MED23: variants seen among roughly 807,000 people sequenced by gnomAD.
MED23 encodes mediator of RNA polymerase II transcription subunit 23.
MED23 carries 105 observed loss-of-function variants against 163.9 expected under a neutral mutation model. That is an observed-to-expected ratio of 0.64 (90% CI 0.55 to 0.75). MED23 has a LOEUF of 0.75. Ranked by LOEUF, MED23 falls within the 30% of genes least tolerant of loss-of-function variation. The pLI is 0.00. For synonymous variants in MED23, 561 were observed against 565.6 expected (o/e 0.99, Z 0.12); for missense variants, 1,054 against 1,649.0 (o/e 0.64, Z 6.25).
intron 8 of MED23, among the ~76,000 whole-genome samples, chr6:131,619,437 CA>C (rs1389940048): frequency 2.6e-5 from 4 of 151,794 alleles, no homozygotes; most frequent in African/African-American, 9.7e-5. Context: ...AAAGGAAAAG[CA>C]AAAGTGGGAA....
At chr6:131,588,113 T>A (rs1197831926) in intron 28 of MED23, among the ~76,000 whole-genome samples, 3 of 152,194 alleles carry the variant, frequency 2.0e-5, no homozygotes, top group Non-Finnish European at 4.4e-5. Flanking sequence ...TTCATATATA[T>A]GCATATACTT....
chr6:131,587,923 A>G (rs1774292171), intron 28 of MED23, 77 bp from the exon 29 acceptor site: 9 of 1,270,020 alleles, frequency 7.1e-6, no homozygotes, highest in African/African-American at 3.0e-5. Flanking sequence ...GGATTTACAC[A>G]TATCCGGAGA....
chr6:131,602,370 G>A lies in MED23; in HGVS notation c.1943C>T (p.Thr648Ile). Residue 648 changes from threonine (T) to isoleucine (I), a missense_variant, in exon 17 of 29, where the codon ACT becomes ATT. This residue lies in a region of MED23 where 228 missense variants were observed against 461.3 expected (regional missense o/e 0.49). Transcript: ENST00000368068. ...TAATGCTGTTATAAGCCTGAGAGCA[G>A]TGCTCTCGACACTGAAAATTGGGAG... ...QNQLHLCVESTALRLITALGS... is the reference protein window; with the variant it reads ...QNQLHLCVESIALRLITALGS... 1 of 1,613,204 alleles carries A rather than the reference G, an allele frequency of 6.2e-7. No individual in the cohort carries two copies. Among genetic ancestry groups the A allele is most frequent in the Non-Finnish European group, 8.5e-7 (1 of 1,179,418 alleles).
At chr6:131,577,171 T>C (rs915849791) in intron 30 of MED23, among the ~76,000 whole-genome samples, 2 of 152,240 alleles carry the variant, frequency 1.3e-5, no homozygotes, top group African/African-American at 4.8e-5. Context: ...TACATACATA[T>C]ACATAAGCAT....
chr6:131,624,194 G>A (rs1271961572), intron 4 of MED23, among the ~76,000 whole-genome samples: 1 of 152,138 alleles, frequency 6.6e-6, no homozygotes, highest in Admixed American at 6.5e-5. Context: ...GAGAGGTAGG[G>A]GGAAAGTCTA....
chr6:131,596,006 G>T lies in MED23; in HGVS notation c.2936C>A (p.Pro979Gln). The change falls in exon 22 of 29, where the codon CCG becomes CAG. Residue 979 changes from proline (P) to glutamine (Q), a missense_variant. Around this residue, in one of 11 missense-constraint regions of MED23, gnomAD observed 228 missense variants for 461.3 expected, o/e 0.49. Coordinates refer to ENST00000368068, the MANE Select transcript of MED23 (RefSeq NM_004830.4). ...IVIHRFLELLPVSKSLETLLD... is the reference protein window; with the variant it reads ...IVIHRFLELLQVSKSLETLLD... ...TAGAGTCTCCAGTGATTTGGATACC[G>T]GAAGCAACTCTAAAAATCTGTGGAT... is the stretch of plus-strand genomic sequence containing the variant. 1 of 1,613,938 alleles carries T rather than the reference G, an allele frequency of 6.2e-7. No homozygotes were observed.
At chr6:131,606,941 A>C (rs1393772143) in intron 12 of MED23, among the ~76,000 whole-genome samples, 1 of 152,108 alleles carries the variant, frequency 6.6e-6, no homozygotes, top group Non-Finnish European at 1.5e-5. Flanking sequence ...TTAAAAAATT[A>C]AAACACATCA....
chr6:131,589,273 G>GT (rs1440836688), intron 28 of MED23, among the ~76,000 whole-genome samples, 192 bp downstream of exon 28: 1 of 152,080 alleles, frequency 6.6e-6, no homozygotes, highest in African/African-American at 2.4e-5. Context: ...ATTATAACAT[G>GT]TATTTCCTTT....
chr6:131,576,106 A>G lies in MED23; in HGVS notation c.4096-1811T>C, dbSNP rs1214369098. ...ACTCATGTCGCAAGACTCAGCTTAA[A>G]CAGCATTTATTTCTTGCAGCCTTTA... On this transcript the variant is annotated intron_variant, in intron 30 of 30. Transcript: ENST00000354577. Among the ~76,000 whole-genome samples the G allele has an allele frequency of 2.0e-5, 3 of 152,188 alleles. No homozygotes were observed. The East Asian group carries it at 5.8e-4, about 29-fold the overall frequency.
chr6:131,593,041 T>G lies in MED23; in HGVS notation c.3363A>C (p.Glu1121Asp), dbSNP rs1354598854. ...CAACATTTAGAAGGGCATTCCCAAC[T>G]TCTTTGCCTGAAACTGCCAAGGCCA... ...ELMALAVSGK[E>D]VGNALLNVVL... The change falls in exon 24 of 29, where the codon GAA becomes GAC. Residue 1121 changes from glutamate (E) to aspartate (D), a missense_variant. Physicochemically the swap from Glu to Asp is conservative, Grantham distance 45 (BLOSUM62 2). Transcript: ENST00000368068. The G allele has an allele frequency of 6.2e-7, 1 of 1,614,134 alleles. No homozygotes were observed. The highest frequency in any genetic ancestry group is 1.3e-5 in the African/African-American group (1 of 74,952).
At position 131,607,849 on chromosome 6, in the gene MED23, T is replaced by A. The variant is rs932427315; in HGVS notation, c.1221+79A>T. Reference sequence around the variant, plus strand: ...GCATAAACTTTAGAAATACACAAAATCACACTAAAATCCTTAAACATAAAT... The same window carrying A: ...GCATAAACTTTAGAAATACACAAAAACACACTAAAATCCTTAAACATAAAT... On this transcript the variant is annotated intron_variant, in intron 12 of 28. Transcript: ENST00000368068. 15 of 1,496,852 alleles carry A rather than the reference T, an allele frequency of 1.0e-5. No homozygotes were observed. In the African/African-American group the frequency reaches 1.9e-4, roughly 19 times the overall value. 92.7% of individuals were successfully genotyped at this position (1,496,852 alleles called of 1,614,324 possible).
In MED23 at chr6:131,627,459, A is replaced by C. The variant is rs146536905; in HGVS notation, c.96T>G (p.Asp32Glu). 2 of 1,613,828 alleles carry C rather than the reference A, an allele frequency of 1.2e-6. No individual in the cohort carries two copies. Among genetic ancestry groups the C allele is most frequent in the Non-Finnish European group, 1.7e-6 (2 of 1,179,910 alleles). The part of the protein sequence containing the change: ...FPGMFMDTPE[D>E]EKTKLISCLG... The stretch of plus-strand genomic sequence containing the variant: ...AACAGCTAATTAGTTTTGTTTTCTC[A>C]TCTTCAGGAGTATCCATAAACATGC... The change falls in exon 3 of 29, where the codon GAT becomes GAG. Residue 32 changes from aspartate to glutamate, a missense_variant. Asp to Glu is a conservative substitution (Grantham distance 45). This residue lies in a region of MED23 where 227 missense variants were observed against 235.5 expected (regional missense o/e 0.96). Coordinates refer to ENST00000368068, the MANE Select transcript of MED23 (RefSeq NM_004830.4).
chr6:131,575,921 C>T (rs1773590336), intron 30 of MED23, among the ~76,000 whole-genome samples: 1 of 152,186 alleles, frequency 6.6e-6, no homozygotes, highest in African/African-American at 2.4e-5. Flanking sequence ...CAGATGATGA[C>T]TTTTTCTGTT....
intron 27 of MED23, 141 bp downstream of exon 27, chr6:131,590,181 C>T (rs1774495365): frequency 2.8e-6 from 2 of 725,564 alleles, no homozygotes; most frequent in African/African-American, 1.8e-5. Flanking sequence ...AAACTAAGTC[C>T]TCTAAAATTG....
At chr6:131,583,104 A>C, downstream of MED23, 2 of 1,614,018 alleles carry the variant, frequency 1.2e-6, no homozygotes, top group Non-Finnish European at 1.7e-6. Context: ...TCAATGACTG[A>C]AGTGGACAGA....
At chr6:131,604,439 T>C in intron 14 of MED23, 119 bp from the exon 15 acceptor site, 2 of 1,140,988 alleles carry the variant, frequency 1.8e-6, no homozygotes, top group South Asian at 2.7e-5. Context: ...ATGAAGTTGA[T>C]TCATTTAATG....
In MED23 at chr6:131,586,894, T is replaced by C. The variant is rs1562365112; in HGVS notation, c.*785A>G. On this transcript the variant is annotated 3_prime_UTR_variant, in exon 29 of 29. Transcript: ENST00000368068. ...ATAAAATTTAAAAATTTTAAGATTA[T>C]AAAAATTGAAGAATTACATCATCTG... 6.9e-7 allele frequency: 1 copy of C among 1,454,474 alleles called. No individual in the cohort carries two copies. The highest frequency in any genetic ancestry group is 1.4e-5 in the South Asian group (1 of 73,838). The allele number at this position is 1,454,474 out of a possible 1,614,324, so 90.1% of individuals were successfully genotyped here. A position where few individuals can be genotyped will look rare whatever the true frequency, so the allele number is the denominator to read the frequency against.
chr6:131,598,554 AC>A lies in MED23; in HGVS notation c.2426+1del. 1 of 1,614,070 alleles carries A rather than the reference AC, an allele frequency of 6.2e-7. No individual in the cohort carries two copies. The highest frequency in any genetic ancestry group is 8.5e-7 in the Non-Finnish European group (1 of 1,179,980). On this transcript the variant is annotated splice_donor_variant, in intron 19 of 28. Coordinates refer to ENST00000368068, the MANE Select transcript of MED23 (RefSeq NM_004830.4). LOFTEE classifies it high-confidence loss of function. This position sits in a 1 kb window ranked among gnomAD's most constrained non-coding sequence, Gnocchi z 4.7. Reference sequence around the variant, plus strand: ...GGAATGCAAATTAGGTTTTTGACTTACCTATAGCCAATCTGATTAATATGAT... The same window carrying A: ...GGAATGCAAATTAGGTTTTTGACTTACTATAGCCAATCTGATTAATATGAT...
In MED23 at chr6:131,613,394, T is replaced by C. The variant is rs569449401; in HGVS notation, c.876+2513A>G. On this transcript the variant is annotated intron_variant, in intron 10 of 28. Coordinates refer to ENST00000368068, the MANE Select transcript of MED23 (RefSeq NM_004830.4). ...TTAGCATAAAATATAACTCAATTCC[T>C]ACTGGAAAATGTAATATGAACAGCT... is the stretch of plus-strand genomic sequence containing the variant. Among the ~76,000 whole-genome samples the C allele has an allele frequency of 2.6e-5, 4 of 152,306 alleles. No individual in the cohort carries two copies. In the South Asian group the frequency reaches 6.2e-4, roughly 24 times the overall value.
Sources: gnomAD v4.1 joint callset for allele counts (sites outside exome capture counted in the v4.1 genomes callset) on GRCh38, gnomAD v4.1.1 for gene constraint, gnomAD v4.1.1 regional missense constraint, Gnocchi (gnomAD v3.1) non-coding constraint, MANE v1.5 for transcripts, NCBI Gene and HGNC (gene_info 2026-07-23, HGNC 2026-07-21) for gene names.